PINX1: variants seen among roughly 807,000 people sequenced by gnomAD.
PINX1 encodes the protein PIN2 (TERF1) interacting telomerase inhibitor 1, also known as PIN2/TERF1-interacting telomerase inhibitor 1.
PINX1 carries 34 observed loss-of-function variants against 25.4 expected under a neutral mutation model. The ratio of observed to expected loss-of-function variants is 1.34; its 90% CI spans 1.02 to 1.78. PINX1 has a LOEUF of 1.78. Ranked by LOEUF, PINX1 falls within the 40% of genes most tolerant of loss-of-function variation. The pLI is 0.00. For missense variants in PINX1, 592 were observed against 404.9 expected, an observed-to-expected ratio of 1.46 and a Z score of -3.97; for synonymous variants, 197 against 147.7, an observed-to-expected ratio of 1.33 and a Z score of -2.42.
At chr8:10,816,825 G>C (rs909636394) in intron 6 of PINX1, among the ~76,000 whole-genome samples, 19 of 108,206 alleles carry the variant, frequency 1.8e-4, no homozygotes, top group African/African-American at 7.2e-4. Flanking sequence ...TTTTGGAATT[G>C]GACGGACACA....
chr8:10,839,602 C>A, intron 1 of PINX1, 136 bp downstream of exon 1: 5 of 851,478 alleles, frequency 5.9e-6, no homozygotes, highest in Non-Finnish European at 7.5e-6. Context: ...CAGAGCCGGG[C>A]TCGGCTCCCC....
chr8:10,825,424 G>A (rs199678358), intron 5 of PINX1: 2 of 534,684 alleles, frequency 3.7e-6, no homozygotes, highest in South Asian at 1.4e-5. Context: ...GTAATAAGTA[G>A]GTTTCTAATT....
At chr8:10,823,462 G>A (rs952328273) in intron 5 of PINX1, among the ~76,000 whole-genome samples, 5 of 151,842 alleles carry the variant, frequency 3.3e-5, no homozygotes, top group Non-Finnish European at 5.9e-5. Context: ...GCTTTGTATC[G>A]ATTGACATTT....
chr8:10,838,023 T>A (rs1662202089), intron 1 of PINX1, among the ~76,000 whole-genome samples: 1 of 152,212 alleles, frequency 6.6e-6, no homozygotes, highest in Admixed American at 6.5e-5. Flanking sequence ...CAGGCAGCCA[T>A]CTGATTCAAA....
At chr8:10,812,443 T>A (rs1185191169) in intron 6 of PINX1, among the ~76,000 whole-genome samples, 2 of 152,188 alleles carry the variant, frequency 1.3e-5, no homozygotes, top group Non-Finnish European at 2.9e-5. Flanking sequence ...CTGGGACTCT[T>A]GCCTGGTACC....
chr8:10,786,068 G>C (rs1033933196), intron 6 of PINX1, among the ~76,000 whole-genome samples: 1 of 152,180 alleles, frequency 6.6e-6, no homozygotes, highest in African/African-American at 2.4e-5. Context: ...CATCCAGGTT[G>C]TATGTGGATC....
rs774801316 is a variant in PINX1 at position 10,822,703 on chromosome 8, C to T, written c.395-2434G>A. Among the ~76,000 whole-genome samples the T allele has an allele frequency of 4.6e-5, 7 of 152,114 alleles. No individual in the cohort carries two copies. The South Asian group carries it at 6.2e-4, about 14-fold the overall frequency. ...GAGGCAACTAAAACTTTCATTGACA[C>T]GAGAACTTAGGAATCAAGATGATTT... is the stretch of plus-strand genomic sequence containing the variant. On this transcript the variant is annotated intron_variant, in intron 5 of 6. Coordinates refer to ENST00000314787, the MANE Select transcript of PINX1 (RefSeq NM_017884.6).
intron 5 of PINX1, among the ~76,000 whole-genome samples, chr8:10,824,617 G>A (rs1212731634): frequency 1.3e-5 from 2 of 152,138 alleles, no homozygotes; most frequent in Non-Finnish European, 2.9e-5. Flanking sequence ...AGATGCTCCC[G>A]GCATCCATTA....
At chr8:10,839,006 T>C (rs916692018) in intron 1 of PINX1, among the ~76,000 whole-genome samples, 1 of 152,164 alleles carries the variant, frequency 6.6e-6, no homozygotes, top group East Asian at 1.9e-4. Context: ...TTGCTCACTG[T>C]ACAACTCGCC....
At chr8:10,813,686 G>A (rs142337661) in intron 6 of PINX1, among the ~76,000 whole-genome samples, 1 of 152,148 alleles carries the variant, frequency 6.6e-6, no homozygotes, top group African/African-American at 2.4e-5. Flanking sequence ...TCTCATGAGG[G>A]TTCTAATTCA....
At chr8:10,818,835 G>A (rs986416294) in intron 6 of PINX1, among the ~76,000 whole-genome samples, 1 of 152,162 alleles carries the variant, frequency 6.6e-6, no homozygotes, top group African/African-American at 2.4e-5. Flanking sequence ...AGGACACGGA[G>A]ACGACTGAGA....
chr8:10,821,604 G>T (rs1217008828), intron 5 of PINX1, among the ~76,000 whole-genome samples: 1 of 152,236 alleles, frequency 6.6e-6, no homozygotes, highest in East Asian at 1.9e-4. Flanking sequence ...AATGAACCGG[G>T]AAAGTGGGGA....
chr8:10,775,492 A>C (rs900248567), intron 6 of PINX1, among the ~76,000 whole-genome samples: 3 of 149,034 alleles, frequency 2.0e-5, no homozygotes, highest in Non-Finnish European at 4.4e-5. Flanking sequence ...GATTTTTATA[A>C]AGTTAAAAAA....
At chr8:10,823,255 G>A (rs1425291266) in intron 5 of PINX1, among the ~76,000 whole-genome samples, 1 of 151,134 alleles carries the variant, frequency 6.6e-6, no homozygotes, top group Admixed American at 6.6e-5. Flanking sequence ...TAGGCATGTA[G>A]TTTCCTTGTT....
At chr8:10,774,990 C>G (rs993158066) in intron 6 of PINX1, among the ~76,000 whole-genome samples, 1 of 152,120 alleles carries the variant, frequency 6.6e-6, no homozygotes, top group African/African-American at 2.4e-5. Context: ...TATACCGGCA[C>G]AACTTATTTT....
Position 10,839,812 on chromosome 8 carries a change from C to G in PINX1, c.-56G>C. On this transcript the variant is annotated 5_prime_UTR_variant, in exon 1 of 7. Coordinates refer to ENST00000314787, the MANE Select transcript of PINX1 (RefSeq NM_017884.6). ...GACCTGGGTGACTGCGGCCACTGGG[C>G]GGGCTGGAGACTCCAGGAGAATCAG... 4 of 1,554,560 alleles carry G rather than the reference C, an allele frequency of 2.6e-6. No homozygotes were observed. Among genetic ancestry groups the G allele is most frequent in the South Asian group, 2.3e-5 (2 of 85,548 alleles).
intron 6 of PINX1, among the ~76,000 whole-genome samples, chr8:10,782,188 G>T (rs527914566): frequency 6.6e-6 from 1 of 152,250 alleles, no homozygotes; most frequent in African/African-American, 2.4e-5. Context: ...TAGAAATGGG[G>T]AGATGTAGGT....
intron 5 of PINX1, among the ~76,000 whole-genome samples, chr8:10,821,651 C>T (rs1797872989): frequency 6.6e-6 from 1 of 152,214 alleles, no homozygotes; most frequent in African/African-American, 2.4e-5. Context: ...TGGACAAACT[C>T]ATCGGAGGTG....
At chr8:10,834,210 C>T (rs758367423) in intron 2 of PINX1, 2 of 155,572 alleles carry the variant, frequency 1.3e-5, no homozygotes, top group African/African-American at 2.4e-5. Context: ...GCAGAAGAGA[C>T]AATAGCACTG....
Sources: gnomAD v4.1 joint callset for allele counts (sites outside exome capture counted in the v4.1 genomes callset) on GRCh38, gnomAD v4.1.1 for gene constraint, MANE v1.5 for transcripts, NCBI Gene and HGNC (gene_info 2026-07-23, HGNC 2026-07-21) for gene names.